The following CYP2C19 variants were observed in gnomAD, a reference collection of about 807,000 sequenced individuals.
CYP2C19 encodes the protein cytochrome P450 2C19.
A neutral mutation model predicts 40.9 loss-of-function variants in CYP2C19; 59 were observed. The ratio of observed to expected loss-of-function variants is 1.44; its 90% confidence interval spans 1.17 to 1.79. CYP2C19 has a LOEUF of 1.79. Ranked by LOEUF, CYP2C19 falls within the 40% of genes most tolerant of loss-of-function variation. The pLI, the probability that CYP2C19 is intolerant of heterozygous loss-of-function variation, is 0.00. For synonymous variants in CYP2C19, 253 were observed against 208.7 expected (o/e 1.21, Z -1.83); for missense variants, 754 against 596.9 (o/e 1.26, Z -2.74).
At chr10:94,845,067 G>A (rs1001652375) in intron 7 of CYP2C19, among the ~76,000 whole-genome samples, 1 of 152,192 alleles carries the variant, frequency 6.6e-6, no homozygotes, top group African/African-American at 2.4e-5. Flanking sequence ...CTATAGAAAA[G>A]TGCAGCACTG....
At chr10:94,838,231 G>T (rs746842537) in intron 6 of CYP2C19, among the ~76,000 whole-genome samples, 1 of 152,064 alleles carries the variant, frequency 6.6e-6, no homozygotes, top group African/African-American at 2.4e-5. Context: ...CCCAGTGAGG[G>T]TCTACACTGG....
At chr10:94,851,023 A>G (rs1849645737) in intron 8 of CYP2C19, among the ~76,000 whole-genome samples, 1 of 152,186 alleles carries the variant, frequency 6.6e-6, no homozygotes, top group African/African-American at 2.4e-5. Context: ...TAACAAGGAA[A>G]GAAACCTTCC....
chr10:94,803,964 C>G (rs560905549), intron 5 of CYP2C19, among the ~76,000 whole-genome samples: 1 of 152,110 alleles, frequency 6.6e-6, no homozygotes, highest in African/African-American at 2.4e-5. Flanking sequence ...AGTGGGGTGG[C>G]TCAGGGTGCT....
intron 5 of CYP2C19, among the ~76,000 whole-genome samples, chr10:94,784,026 G>A (rs187746182): frequency 3.9e-5 from 6 of 152,162 alleles, no homozygotes; most frequent in East Asian, 1.9e-4. Context: ...TTTTTATCAC[G>A]CCACAAAAAC....
At chr10:94,775,945 G>A (rs1848402113) in intron 3 of CYP2C19, 2 of 229,846 alleles carry the variant, frequency 8.7e-6, no homozygotes, top group Admixed American at 5.1e-5. Flanking sequence ...CACCCCTAGG[G>A]AGCATGAACC....
rs114784344 is a variant in CYP2C19 at position 94,772,641 on chromosome 10, C to T, written c.169-2417C>T. On this transcript the variant is annotated intron_variant, in intron 1 of 8. Transcript: ENST00000371321. ...GGCTTTCCTCTCTGTCAACCCTTGG[C>T]GCAGCCCAGAAATACAGGAAAAGTG... 3.5e-3 allele frequency among the ~76,000 whole-genome samples: 534 copies of T among 152,268 alleles called. 3 individuals carry two copies. The highest frequency in any genetic ancestry group is 0.011 in the African/African-American group (456 of 41,566).
chr10:94,850,574 G>A (rs1359408893), intron 8 of CYP2C19, among the ~76,000 whole-genome samples: 3 of 152,178 alleles, frequency 2.0e-5, no homozygotes, highest in Admixed American at 1.3e-4. Flanking sequence ...ATATAGAAAA[G>A]AACAGGCTGT....
chr10:94,786,711 T>G (rs1453144146), intron 5 of CYP2C19, among the ~76,000 whole-genome samples: 3 of 152,054 alleles, frequency 2.0e-5, no homozygotes, highest in Non-Finnish European at 4.4e-5. Context: ...CTATAGTAAT[T>G]CCCAGTGTGT....
intron 5 of CYP2C19, among the ~76,000 whole-genome samples, chr10:94,793,277 A>G (rs564961211): frequency 7.9e-5 from 12 of 152,048 alleles, no homozygotes; most frequent in Non-Finnish European, 1.8e-4. Flanking sequence ...CAAGGTTTTA[A>G]CTTCTTTGTG....
intron 6 of CYP2C19, among the ~76,000 whole-genome samples, chr10:94,826,546 A>T (rs552938157): frequency 0.012 from 1,844 of 152,304 alleles, 51 homozygotes; most frequent in African/African-American, 0.042. Flanking sequence ...TATCAGCTTA[A>T]GGAGATTTTG....
At chr10:94,812,278 C>T (rs1440234402) in intron 5 of CYP2C19, among the ~76,000 whole-genome samples, 1 of 152,136 alleles carries the variant, frequency 6.6e-6, no homozygotes, top group Non-Finnish European at 1.5e-5. Flanking sequence ...TGGTGGTAAC[C>T]CGACCTTTCT....
At chr10:94,795,488 GC>G (rs2134248898) in intron 5 of CYP2C19, among the ~76,000 whole-genome samples, 1 of 152,234 alleles carries the variant, frequency 6.6e-6, no homozygotes, top group South Asian at 2.1e-4. Flanking sequence ...CTTTATAGCA[GC>G]ATGGTTTATA....
chr10:94,833,668 A>T (rs1233147016), intron 6 of CYP2C19, among the ~76,000 whole-genome samples: 1 of 152,204 alleles, frequency 6.6e-6, no homozygotes, highest in Non-Finnish European at 1.5e-5. Flanking sequence ...TGAAATTGGA[A>T]ATCATCATTC....
intron 3 of CYP2C19, chr10:94,775,870 A>G: frequency 8.0e-6 from 3 of 373,746 alleles, no homozygotes; most frequent in South Asian, 5.7e-5. Context: ...TTTTCCCATT[A>G]TCTATTCCAG....
At chr10:94,772,335 G>A (rs1484805170) in intron 1 of CYP2C19, among the ~76,000 whole-genome samples, 1 of 152,042 alleles carries the variant, frequency 6.6e-6, no homozygotes, top group Admixed American at 6.6e-5. Flanking sequence ...GGTGAGCCCG[G>A]GTGCCTAAAG....
chr10:94,829,966 C>G (rs1205291859), intron 6 of CYP2C19, among the ~76,000 whole-genome samples: 6 of 152,196 alleles, frequency 3.9e-5, no homozygotes, highest in African/African-American at 1.4e-4. Context: ...TTAGGCTGCT[C>G]AGGGGTCAGG....
chr10:94,798,936 T>C (rs1241760670), intron 5 of CYP2C19, among the ~76,000 whole-genome samples: 1 of 150,972 alleles, frequency 6.6e-6, no homozygotes, highest in Non-Finnish European at 1.5e-5. Flanking sequence ...AGCACACTGA[T>C]GGGTCTTGAC....
In CYP2C19 at chr10:94,842,970, C is replaced by A; in HGVS notation, c.1095C>A (p.Ser365Arg). ...VQRYIDLIPT[S>R]LPHAVTCDVK... ...GATACATCGACCTCATCCCCACCAGCCTGCCCCATGCAGTGACCTGTGACG... is the reference window on the plus strand; with the variant it reads ...GATACATCGACCTCATCCCCACCAGACTGCCCCATGCAGTGACCTGTGACG... The change falls in exon 7 of 9, where the codon AGC becomes AGA. Residue 365 changes from serine to arginine, a missense_variant. Coordinates refer to ENST00000371321, the MANE Select transcript of CYP2C19 (RefSeq NM_000769.4). 1.2e-6 allele frequency: 2 copies of A among 1,614,198 alleles called. No individual in the cohort carries two copies. The highest frequency in any genetic ancestry group is 1.7e-6 in the Non-Finnish European group (2 of 1,180,036).
At chr10:94,849,146 G>C (rs1849614873) in intron 7 of CYP2C19, among the ~76,000 whole-genome samples, 2 of 152,074 alleles carry the variant, frequency 1.3e-5, no homozygotes, top group African/African-American at 4.8e-5. Flanking sequence ...GAACATCCCT[G>C]TCTTGTGCCT....
Sources: gnomAD v4.1 joint callset for allele counts (sites outside exome capture counted in the v4.1 genomes callset) on GRCh38, gnomAD v4.1.1 for gene constraint, MANE v1.5 for transcripts, NCBI Gene and HGNC (gene_info 2026-07-23, HGNC 2026-07-21) for gene names.